BBS9: variants seen among roughly 807,000 people sequenced by gnomAD.
BBS9 encodes the protein protein PTHB1.
A neutral mutation model predicts 117.7 loss-of-function variants in BBS9; 89 were observed. That is an observed-to-expected ratio of 0.76 (90% CI 0.64 to 0.90). The LOEUF is 0.90. Among genes scored for constraint, BBS9 ranks in the 40% least tolerant of loss-of-function variants. The pLI is 0.00. For missense variants in BBS9, 982 were observed against 1,042.2 expected, an observed-to-expected ratio of 0.94 and a Z score of 0.80; for synonymous variants, 379 against 370.9, an observed-to-expected ratio of 1.02 and a Z score of -0.25.
chr7:33,404,193 A>G (rs1584682312), intron 19 of BBS9, among the ~76,000 whole-genome samples: 1 of 152,124 alleles, frequency 6.6e-6, no homozygotes, highest in East Asian at 1.9e-4. Context: ...GTTCTGTTCC[A>G]TTGATCTATA....
chr7:33,467,326 A>G (rs368173737), intron 19 of BBS9, among the ~76,000 whole-genome samples: 1 of 152,114 alleles, frequency 6.6e-6, no homozygotes, highest in South Asian at 2.1e-4. Flanking sequence ...TTGTTTGTTT[A>G]TATCACCTTC....
chr7:33,138,591 G>A (rs1278618423), intron 1 of BBS9, among the ~76,000 whole-genome samples: 1 of 151,072 alleles, frequency 6.6e-6, no homozygotes, highest in African/African-American at 2.4e-5. Flanking sequence ...CTAACGAAGT[G>A]GTGGGTGAAT....
rs531394495 is a variant in BBS9, at chr7:33,386,553, C to T, written c.1963-1439C>T. On this transcript the variant is annotated intron_variant, in intron 18 of 22. Transcript: ENST00000242067. ...TCGCCCAGGCTGGGGTGCAGTGGCA[C>T]GATCTCGGCTCACTGCAAGCTTGGC... is the stretch of plus-strand genomic sequence containing the variant. 2.4e-4 allele frequency among the ~76,000 whole-genome samples: 37 copies of T among 151,880 alleles called. No individual in the cohort carries two copies. The East Asian group carries it at 6.2e-3, about 25-fold the overall frequency.
At chr7:33,457,265 A>G (rs1422783400) in intron 19 of BBS9, among the ~76,000 whole-genome samples, 1 of 152,220 alleles carries the variant, frequency 6.6e-6, no homozygotes, top group Non-Finnish European at 1.5e-5. Context: ...AAGAGACCAC[A>G]TATTTTCCTG....
At position 33,346,928 on chromosome 7, in the gene BBS9, C is replaced by T. The variant is rs1817696129; in HGVS notation, c.1330-2140C>T. On this transcript the variant is annotated intron_variant, in intron 12 of 22. Transcript: ENST00000242067. ...CTCTACTTGGATTGATGGCTTTGCA[C>T]AGGTTATTTACCTTCTCTGAACCTC... is the stretch of plus-strand genomic sequence containing the variant. 2.6e-5 allele frequency among the ~76,000 whole-genome samples: 4 copies of T among 152,304 alleles called. No individual in the cohort carries two copies. In the South Asian group the frequency reaches 8.3e-4, roughly 32 times the overall value.
At chr7:33,280,132 T>C (rs1224425341) in intron 9 of BBS9, among the ~76,000 whole-genome samples, 1 of 152,248 alleles carries the variant, frequency 6.6e-6, no homozygotes, top group Non-Finnish European at 1.5e-5. Flanking sequence ...AATTTGTTAC[T>C]TAACAGTTTC....
intron 19 of BBS9, among the ~76,000 whole-genome samples, chr7:33,482,849 G>A (rs570689556): frequency 5.9e-5 from 9 of 151,804 alleles, no homozygotes; most frequent in African/African-American, 2.2e-4. Context: ...GCTATTCTGG[G>A]ATAGAAATGG....
intron 8 of BBS9, 70 bp downstream of exon 8, chr7:33,273,265 C>T: frequency 7.1e-7 from 1 of 1,404,764 alleles, no homozygotes; most frequent in Non-Finnish European, 1.0e-6. Flanking sequence ...GAAAAAGCCA[C>T]ACTCATACAC....
intron 10 of BBS9, among the ~76,000 whole-genome samples, chr7:33,339,407 A>C (rs999413300): frequency 6.6e-6 from 1 of 152,206 alleles, no homozygotes; most frequent in African/African-American, 2.4e-5. Context: ...TTAAGTAAAG[A>C]AGAATTGAAG....
chr7:33,590,889 G>A (rs1007105956), intron 21 of BBS9, among the ~76,000 whole-genome samples: 1 of 151,952 alleles, frequency 6.6e-6, no homozygotes, highest in African/African-American at 2.4e-5. Context: ...TCATGGAGCT[G>A]GGATTAAAAT....
At chr7:33,253,599 G>A (rs1050261908) in intron 5 of BBS9, among the ~76,000 whole-genome samples, 1 of 152,200 alleles carries the variant, frequency 6.6e-6, no homozygotes, top group Non-Finnish European at 1.5e-5. Flanking sequence ...GCGAGGGAGC[G>A]AGACTCCATC....
At chr7:33,258,989 A>G (rs1199373426) in intron 6 of BBS9, among the ~76,000 whole-genome samples, 1 of 152,216 alleles carries the variant, frequency 6.6e-6, no homozygotes, top group Non-Finnish European at 1.5e-5. Context: ...TTATAATGGT[A>G]AAAATGCATG....
intron 19 of BBS9, among the ~76,000 whole-genome samples, chr7:33,466,371 G>C (rs6462479): frequency 1.3e-5 from 2 of 151,912 alleles, no homozygotes; most frequent in Non-Finnish European, 2.9e-5. Context: ...TTTAGATTCT[G>C]CATATATGTG....
At chr7:33,455,006 A>C (rs1313257197) in intron 19 of BBS9, among the ~76,000 whole-genome samples, 3 of 152,104 alleles carry the variant, frequency 2.0e-5, no homozygotes, top group Non-Finnish European at 4.4e-5. Context: ...ATTCCCCTAC[A>C]ATTCATTTTT....
chr7:33,621,942 G>T (rs1441758072), intron 21 of BBS9, among the ~76,000 whole-genome samples: 1 of 152,224 alleles, frequency 6.6e-6, no homozygotes, highest in East Asian at 1.9e-4. Context: ...GGGCGCAGTG[G>T]TTCATGCCTG....
At chr7:33,272,607 T>C (rs978048280) in intron 7 of BBS9, among the ~76,000 whole-genome samples, 1 of 152,172 alleles carries the variant, frequency 6.6e-6, no homozygotes, top group African/African-American at 2.4e-5. Flanking sequence ...AGTGGCTTGG[T>C]GACTACTCTG....
chr7:33,459,894 G>A (rs935602556), intron 19 of BBS9, among the ~76,000 whole-genome samples: 4 of 151,958 alleles, frequency 2.6e-5, no homozygotes, highest in African/African-American at 4.8e-5. Flanking sequence ...TCTTATGTTT[G>A]AGCTTACATG....
At chr7:33,429,629 T>C (rs4720118) in intron 19 of BBS9, among the ~76,000 whole-genome samples, 98,548 of 151,936 alleles carry the variant, frequency 0.65, 32,938 homozygotes, top group African/African-American at 0.82. Flanking sequence ...TAAAATGGGG[T>C]TAATAATACT....
chr7:33,597,559 C>T (rs1348597854), intron 21 of BBS9, among the ~76,000 whole-genome samples: 1 of 152,148 alleles, frequency 6.6e-6, no homozygotes, highest in South Asian at 2.1e-4. Flanking sequence ...AATAAACCAG[C>T]AAAGTCTTCA....
Sources: allele counts gnomAD v4.1 joint callset (sites outside exome capture counted in the v4.1 genomes callset), GRCh38; gene constraint gnomAD v4.1.1; transcripts MANE v1.5; gene names NCBI Gene and HGNC (gene_info 2026-07-23, HGNC 2026-07-21).